NETO2: variants seen among roughly 807,000 people sequenced by gnomAD.
NETO2 encodes the protein neuropilin and tolloid like 2, also known as neuropilin and tolloid-like protein 2.
In NETO2, 28 loss-of-function variants were observed where a neutral mutation model predicts 62.5. That is an observed-to-expected ratio of 0.45 (90% confidence interval 0.33 to 0.61). The LOEUF (loss-of-function observed/expected upper bound fraction) is 0.61, where lower values mean the gene tolerates loss of function less well. NETO2 is among the 20% of genes least tolerant of loss of function. The pLI is 0.02. For synonymous variants in NETO2, 214 were observed against 219.1 expected (o/e 0.98, Z 0.21); for missense variants, 548 against 643.2 (o/e 0.85, Z 1.60).
chr16:47,132,050 G>GGT, intron 1 of NETO2, 25 bp from the exon 2 acceptor site: 1 of 1,567,990 alleles, frequency 6.4e-7, no homozygotes, highest in Non-Finnish European at 8.8e-7. Context: ...GAGAAGAAAA[G>GGT]TTATGAAATT....
intron 7 of NETO2, among the ~76,000 whole-genome samples, chr16:47,102,479 A>G (rs1963573565): frequency 6.6e-6 from 1 of 152,152 alleles, no homozygotes; most frequent in African/African-American, 2.4e-5. Context: ...AGCAAAAGAA[A>G]CTATTATCAC....
chr16:47,128,223 T>C (rs1481265327), intron 4 of NETO2, 102 bp downstream of exon 4: 17 of 1,394,710 alleles, frequency 1.2e-5, no homozygotes, highest in Middle Eastern at 1.9e-4. Context: ...AAAATCTTGA[T>C]TTGATTAACT....
intron 7 of NETO2, among the ~76,000 whole-genome samples, chr16:47,086,812 C>T (rs529773391): frequency 5.3e-5 from 8 of 152,240 alleles, no homozygotes; most frequent in African/African-American, 1.7e-4. Flanking sequence ...AGAACTGAAA[C>T]CAGAAACTCA....
intron 6 of NETO2, among the ~76,000 whole-genome samples, chr16:47,116,505 T>C (rs1404625968): frequency 6.6e-6 from 1 of 152,216 alleles, no homozygotes; most frequent in Non-Finnish European, 1.5e-5. Flanking sequence ...TATTTTTTTA[T>C]ATTGCTGAAT....
chr16:47,101,518 T>C (rs947895648), intron 7 of NETO2, among the ~76,000 whole-genome samples: 3 of 152,242 alleles, frequency 2.0e-5, no homozygotes, highest in African/African-American at 4.8e-5. Context: ...GATGACATGA[T>C]TGTATATTTA....
intron 6 of NETO2, among the ~76,000 whole-genome samples, chr16:47,116,197 T>C (rs1963918912): frequency 6.6e-6 from 1 of 151,038 alleles, no homozygotes; most frequent in Non-Finnish European, 1.5e-5. Context: ...CAGGCTGGCC[T>C]TGAACTCCTG....
At position 47,128,309 on chromosome 16, in the gene NETO2, A is replaced by G. The variant is rs998889545; in HGVS notation, c.481+16T>C. The stretch of plus-strand genomic sequence containing the variant: ...AGTGAGATGCCCAACCACTTAAAAG[A>G]TAACTTATTCTTTACCTGGAATAAA... On this transcript the variant is annotated intron_variant, in intron 4 of 8. Transcript: ENST00000562435. The G allele has an allele frequency of 6.8e-6, 11 of 1,608,064 alleles. 1 individual carries two copies. The East Asian group carries it at 2.2e-4, about 33-fold the overall frequency.
intron 1 of NETO2, among the ~76,000 whole-genome samples, chr16:47,134,341 TG>T (rs1244846653): frequency 6.6e-6 from 1 of 152,210 alleles, no homozygotes; most frequent in African/African-American, 2.4e-5. Context: ...TCCCTTTTTT[TG>T]GTTGATGGTA....
At chr16:47,090,248 T>A (rs1464209624) in intron 7 of NETO2, among the ~76,000 whole-genome samples, 2 of 152,204 alleles carry the variant, frequency 1.3e-5, no homozygotes, top group African/African-American at 4.8e-5. Flanking sequence ...CTGCTCTCCA[T>A]ATTATTTAAA....
At chr16:47,135,460 C>A (rs1222673835) in intron 1 of NETO2, among the ~76,000 whole-genome samples, 1 of 152,176 alleles carries the variant, frequency 6.6e-6, no homozygotes, top group Non-Finnish European at 1.5e-5. Flanking sequence ...TTTGATTGTA[C>A]AGAGAACTGC....
chr16:47,127,536 G>A (rs1330236998), intron 4 of NETO2, among the ~76,000 whole-genome samples: 2 of 152,232 alleles, frequency 1.3e-5, no homozygotes, highest in African/African-American at 4.8e-5. Flanking sequence ...GAGCTGTGAA[G>A]AGGGAGGCTG....
At chr16:47,135,345 G>A (rs1964345690) in intron 1 of NETO2, among the ~76,000 whole-genome samples, 1 of 152,018 alleles carries the variant, frequency 6.6e-6, no homozygotes, top group African/African-American at 2.4e-5. Context: ...CTCAAATACA[G>A]GAAGACCTCA....
At chr16:47,117,680 TA>T (rs1963950633) in intron 6 of NETO2, among the ~76,000 whole-genome samples, 1 of 152,228 alleles carries the variant, frequency 6.6e-6, no homozygotes, top group Admixed American at 6.5e-5. Context: ...CTTTTAGTTC[TA>T]AATTTTTCAC....
intron 7 of NETO2, among the ~76,000 whole-genome samples, chr16:47,099,152 G>A (rs763419071): frequency 5.3e-5 from 8 of 152,228 alleles, no homozygotes; most frequent in Admixed American, 1.3e-4. Flanking sequence ...GAGCCACTGC[G>A]CCCAGCCTCA....
intron 6 of NETO2, among the ~76,000 whole-genome samples, chr16:47,118,551 C>T (rs1963969412): frequency 6.6e-6 from 1 of 152,214 alleles, no homozygotes; most frequent in Admixed American, 6.5e-5. Context: ...TCCCTCCATA[C>T]TCTCCAAACA....
At chr16:47,106,690 T>G (rs1411133937) in intron 7 of NETO2, among the ~76,000 whole-genome samples, 1 of 151,986 alleles carries the variant, frequency 6.6e-6, no homozygotes, top group Non-Finnish European at 1.5e-5. Context: ...AAGTAGAAGA[T>G]AAAATAAAGT....
intron 7 of NETO2, among the ~76,000 whole-genome samples, chr16:47,105,632 C>T (rs1322740454): frequency 6.6e-6 from 1 of 151,978 alleles, no homozygotes; most frequent in Non-Finnish European, 1.5e-5. Context: ...CAGAGAACGT[C>T]TACAACTTAA....
At chr16:47,135,827 A>G (rs188793674) in intron 1 of NETO2, among the ~76,000 whole-genome samples, 1 of 152,176 alleles carries the variant, frequency 6.6e-6, no homozygotes, top group Admixed American at 6.5e-5. Flanking sequence ...TGCAATAAAT[A>G]CTGGAAAGAA....
chr16:47,105,742 A>C (rs1963661011), intron 7 of NETO2, among the ~76,000 whole-genome samples: 1 of 152,254 alleles, frequency 6.6e-6, no homozygotes, highest in Non-Finnish European at 1.5e-5. Flanking sequence ...AACATTACTA[A>C]TCATTAGGCA....
Sources: gnomAD v4.1 joint callset for allele counts (sites outside exome capture counted in the v4.1 genomes callset) on GRCh38, gnomAD v4.1.1 for gene constraint, MANE v1.5 for transcripts, NCBI Gene and HGNC (gene_info 2026-07-23, HGNC 2026-07-21) for gene names.